TENM1: variants seen among roughly 807,000 people sequenced by gnomAD.
The protein encoded by TENM1 is teneurin transmembrane protein 1.
A neutral mutation model predicts 174.8 loss-of-function variants in TENM1; 35 were observed. The observed-to-expected ratio is 0.20, with a 90% CI of 0.15 to 0.27. The LOEUF is 0.27. TENM1 is among the 10% of genes least tolerant of loss of function. TENM1 has a pLI of 1.00. For synonymous variants in TENM1, 781 were observed against 798.7 expected, an observed-to-expected ratio of 0.98 and a Z score of 0.37; for missense variants, 1,633 against 2,130.1, an observed-to-expected ratio of 0.77 and a Z score of 4.59.
the TENM1 span, among the ~76,000 whole-genome samples, chrX:124,981,016 C>T: frequency 8.9e-6 from 1 of 111,901 alleles, no homozygotes; most frequent in South Asian, 3.7e-4. Context: ...GTGTGGTATT[C>T]AGCCATTCAT....
the TENM1 span, among the ~76,000 whole-genome samples, chrX:125,093,813 G>C: frequency 9.0e-6 from 1 of 111,627 alleles, no homozygotes; most frequent in Non-Finnish European, 1.9e-5. Context: ...AGAAAGAAAA[G>C]CATTGTTCTG....
intron 23 of TENM1, among the ~76,000 whole-genome samples, chrX:124,436,964 T>C (rs751246679): frequency 1.2e-5 from 1 of 83,946 alleles, no homozygotes; most frequent in Non-Finnish European, 2.3e-5. Flanking sequence ...TTTTTGAGAC[T>C]GAGTCTTGCT....
intron 22 of TENM1, among the ~76,000 whole-genome samples, chrX:124,468,432 T>C (rs1339612043): frequency 8.9e-6 from 1 of 112,169 alleles, no homozygotes; most frequent in East Asian, 2.8e-4. Flanking sequence ...CGCCTCGGCC[T>C]CCCAAAGTGC....
the TENM1 span, among the ~76,000 whole-genome samples, chrX:125,087,711 A>T: frequency 9.0e-6 from 1 of 111,667 alleles, no homozygotes; most frequent in Non-Finnish European, 1.9e-5. Context: ...GGACACAGGA[A>T]TCAAGTGAAA....
chrX:125,189,748 T>C, the TENM1 span, among the ~76,000 whole-genome samples: 1 of 112,451 alleles, frequency 8.9e-6, no homozygotes, highest in Non-Finnish European at 1.9e-5. Flanking sequence ...GTTCAAGATG[T>C]TGACATCAAA....
At chrX:124,562,063 T>C in intron 13 of TENM1, among the ~76,000 whole-genome samples, 1 of 112,133 alleles carries the variant, frequency 8.9e-6, no homozygotes, top group Non-Finnish European at 1.9e-5. Flanking sequence ...TCCCAACCCC[T>C]GGTTCATATA....
chrX:124,590,661 G>A (rs966118020), intron 11 of TENM1, among the ~76,000 whole-genome samples: 13 of 112,048 alleles, frequency 1.2e-4, no homozygotes, highest in African/African-American at 3.9e-4. Context: ...CTGAGCATAT[G>A]TTTCCTCTTG....
chrX:124,877,831 A>G (rs992747160), intron 3 of TENM1, among the ~76,000 whole-genome samples: 1 of 111,930 alleles, frequency 8.9e-6, no homozygotes, highest in African/African-American at 3.2e-5. Context: ...AGACTTGCCA[A>G]TAACAAACAA....
At chrX:124,779,819 GGGTA>G (rs1023847866) in intron 3 of TENM1, among the ~76,000 whole-genome samples, 2 of 111,390 alleles carry the variant, frequency 1.8e-5, no homozygotes, top group African/African-American at 6.5e-5. Flanking sequence ...ATCCTGCAAG[GGGTA>G]GTTGATACTA....
the TENM1 span, among the ~76,000 whole-genome samples, chrX:125,196,017 G>C: frequency 1.0e-4 from 9 of 87,803 alleles, no homozygotes; most frequent in African/African-American, 3.1e-4. Context: ...AAGGAACGAA[G>C]GAAGGAAGGA....
At chrX:124,921,010 T>A (rs1296804862) in intron 1 of TENM1, among the ~76,000 whole-genome samples, 3 of 104,948 alleles carry the variant, frequency 2.9e-5, no homozygotes, top group East Asian at 2.9e-4. Context: ...TTTTTTTTTT[T>A]AAAGACCTTA....
At chrX:125,117,719 AAAC>A in the TENM1 span, among the ~76,000 whole-genome samples, 1 of 111,611 alleles carries the variant, frequency 9.0e-6, no homozygotes, top group South Asian at 3.8e-4. Context: ...AAAGTCAAAA[AAAC>A]AACAAATGTT....
At chrX:124,997,459 C>T in the TENM1 span, among the ~76,000 whole-genome samples, 1 of 111,445 alleles carries the variant, frequency 9.0e-6, no homozygotes, top group Non-Finnish European at 1.9e-5. Flanking sequence ...AAGGGTCCTC[C>T]TAAACCTCAC....
chrX:124,850,695 T>C lies in TENM1; in HGVS notation c.535+43601A>G, dbSNP rs756079920. 8.5e-4 allele frequency among the ~76,000 whole-genome samples: 94 copies of C among 110,543 alleles called. 3 individuals carry two copies. Among genetic ancestry groups the C allele is most frequent in the Non-Finnish European group, 1.5e-4 (8 of 52,676 alleles). ...AAATTAAAGTCCTACCACAAAGCAT[T>C]TGTACAATGTGCCATGCCAGAAAGC... On this transcript the variant is annotated intron_variant, in intron 3 of 31. Coordinates refer to ENST00000422452, the Ensembl canonical transcript of TENM1.
At chrX:124,675,650 C>T (rs1247949778) in intron 5 of TENM1, among the ~76,000 whole-genome samples, 1 of 101,291 alleles carries the variant, frequency 9.9e-6, no homozygotes, top group South Asian at 4.5e-4. Context: ...CATAAAAAAA[C>T]CTCTACCCTC....
intron 1 of TENM1, among the ~76,000 whole-genome samples, chrX:124,958,995 C>T (rs949465936): frequency 1.8e-5 from 2 of 111,005 alleles, no homozygotes; most frequent in African/African-American, 6.6e-5. Flanking sequence ...GGTGCCCAAT[C>T]AACATTTTGT....
chrX:124,834,877 CTCAA>C (rs369354288), intron 3 of TENM1, among the ~76,000 whole-genome samples: 20 of 111,952 alleles, frequency 1.8e-4, no homozygotes, highest in African/African-American at 5.9e-4. Context: ...TTAACCATTC[CTCAA>C]TCAATCTTTA....
At chrX:125,130,897 T>C in the TENM1 span, among the ~76,000 whole-genome samples, 1 of 110,687 alleles carries the variant, frequency 9.0e-6, no homozygotes, top group African/African-American at 3.3e-5. Flanking sequence ...ACTCGGTAAA[T>C]AAAAAAGCAG....
chrX:124,754,998 T>C (rs1248234115), intron 3 of TENM1, among the ~76,000 whole-genome samples: 1 of 102,752 alleles, frequency 9.7e-6, no homozygotes, highest in Non-Finnish European at 1.9e-5. Context: ...TAGATGTCTA[T>C]TAGGTCCGCT....
Sources: gnomAD v4.1 joint callset for allele counts (sites outside exome capture counted in the v4.1 genomes callset) on GRCh38, gnomAD v4.1.1 for gene constraint, MANE v1.5 for transcripts, NCBI Gene and HGNC (gene_info 2026-07-23, HGNC 2026-07-21) for gene names.